Variants in EMCN observed in about 807,000 individuals in gnomAD.
EMCN encodes the protein endomucin, also known as MUC-14.
In EMCN, 37 loss-of-function variants were observed where a neutral mutation model predicts 38.4. The ratio of observed to expected loss-of-function variants is 0.96; its 90% confidence interval spans 0.74 to 1.27. The LOEUF (loss-of-function observed/expected upper bound fraction) is 1.27, where lower values mean the gene tolerates loss of function less well. Ranked by LOEUF, EMCN falls within the 50% of genes most tolerant of loss-of-function variation. The probability of loss-of-function intolerance (pLI) is 0.00; values close to 1 mark genes in which losing one functional copy is unlikely to be tolerated. For missense variants in EMCN, 318 were observed against 302.8 expected (o/e 1.05, Z -0.37); for synonymous variants, 95 against 100.8 (o/e 0.94, Z 0.35).
At chr4:100,474,456 A>G (rs1410435990) in intron 3 of EMCN, among the ~76,000 whole-genome samples, 5 of 152,226 alleles carry the variant, frequency 3.3e-5, no homozygotes, top group Non-Finnish European at 7.3e-5. Flanking sequence ...TTAAAATGTT[A>G]AACATAGAGT....
At chr4:100,457,576 A>G (rs1428658770) in intron 4 of EMCN, among the ~76,000 whole-genome samples, 4 of 152,154 alleles carry the variant, frequency 2.6e-5, no homozygotes, top group Non-Finnish European at 5.9e-5. Context: ...ATTGACCTTC[A>G]TTCTGTTAAT....
At chr4:100,447,659 GTA>G (rs1727715732) in intron 4 of EMCN, 88 bp from the exon 5 acceptor site, 2 of 775,338 alleles carry the variant, frequency 2.6e-6, no homozygotes, top group Admixed American at 4.9e-5. Context: ...TGGTAAATGA[GTA>G]TGAATTTTAG....
In EMCN at chr4:100,396,667, A is replaced by G. The variant is rs1175116237; in HGVS notation, c.*1746T>C. On this transcript the variant is annotated 3_prime_UTR_variant, in exon 12 of 12. Coordinates refer to ENST00000296420, the MANE Select transcript of EMCN (RefSeq NM_016242.4). ...AAGCGATTCACGTTCCTCAGGCTCCAGAGTAGCTGGGACTACAGGCGTGCG... is the reference window on the plus strand; with the variant it reads ...AAGCGATTCACGTTCCTCAGGCTCCGGAGTAGCTGGGACTACAGGCGTGCG... The G allele has an allele frequency of 6.7e-6, 1 of 148,972 alleles. No homozygotes were observed. The highest frequency in any genetic ancestry group is 1.5e-5 in the Non-Finnish European group (1 of 67,652). 9.2% of individuals were successfully genotyped at this position (148,972 alleles called of 1,614,324 possible).
intron 7 of EMCN, among the ~76,000 whole-genome samples, chr4:100,421,809 A>G (rs1002608584): frequency 1.3e-5 from 2 of 152,066 alleles, no homozygotes; most frequent in African/African-American, 2.4e-5. Flanking sequence ...AACACTCACA[A>G]ATTTCTTTCT....
chr4:100,517,422 G>A (rs1729786884), intron 1 of EMCN, among the ~76,000 whole-genome samples: 1 of 151,912 alleles, frequency 6.6e-6, no homozygotes, highest in Admixed American at 6.6e-5. Context: ...AAAATAGTTG[G>A]GAAAAATACA....
intron 4 of EMCN, among the ~76,000 whole-genome samples, chr4:100,462,269 T>G (rs1297835548): frequency 6.6e-6 from 1 of 152,200 alleles, no homozygotes. Flanking sequence ...ATGGCTTTGA[T>G]GTATTTTTTA....
chr4:100,517,534 G>T (rs1398989172), intron 1 of EMCN, among the ~76,000 whole-genome samples: 2 of 152,088 alleles, frequency 1.3e-5, no homozygotes, highest in South Asian at 4.1e-4. Flanking sequence ...ATTTTTGAGA[G>T]AGAGTACATT....
intron 8 of EMCN, among the ~76,000 whole-genome samples, chr4:100,420,483 A>G (rs767533): frequency 0.36 from 54,677 of 151,788 alleles, 10,234 homozygotes; most frequent in Middle Eastern, 0.49. Context: ...TTATACGACC[A>G]GGGCTGGGCT....
chr4:100,512,155 GA>G (rs1729642498), intron 1 of EMCN, among the ~76,000 whole-genome samples: 1 of 152,174 alleles, frequency 6.6e-6, no homozygotes. Flanking sequence ...AAGATGTAGG[GA>G]AAGACACAAC....
intron 10 of EMCN, 44 bp downstream of exon 10, chr4:100,415,854 T>G (rs371117912): frequency 1.1e-5 from 15 of 1,349,002 alleles, no homozygotes; most frequent in Non-Finnish European, 1.6e-5. Flanking sequence ...AGTTAGATTC[T>G]AAAATAACTA....
intron 3 of EMCN, 53 bp downstream of exon 3, chr4:100,474,985 G>C: frequency 1.0e-6 from 1 of 987,540 alleles, no homozygotes; most frequent in Non-Finnish European, 1.5e-6. Flanking sequence ...TGACTATTAT[G>C]TTATGTGAAT....
At chr4:100,447,622 C>T in intron 4 of EMCN, 51 bp from the exon 5 acceptor site, 1 of 1,157,082 alleles carries the variant, frequency 8.6e-7, no homozygotes, top group Non-Finnish European at 1.3e-6. Flanking sequence ...TGTTGAATAT[C>T]AGATCTATTC....
intron 1 of EMCN, among the ~76,000 whole-genome samples, chr4:100,515,879 G>T (rs112884175): frequency 6.6e-6 from 1 of 152,010 alleles, no homozygotes; most frequent in African/African-American, 2.4e-5. Flanking sequence ...GGCAGAACCA[G>T]GTACAACAAA....
intron 8 of EMCN, 89 bp downstream of exon 8, chr4:100,421,193 C>G: frequency 1.7e-6 from 2 of 1,152,032 alleles, no homozygotes; most frequent in Non-Finnish European, 2.6e-6. Context: ...CTTTCTATAA[C>G]TTTTCTCTCC....
chr4:100,475,302 TACACACAC>T (rs59162117), intron 2 of EMCN, among the ~76,000 whole-genome samples, 193 bp from the exon 3 acceptor site: 1 of 143,040 alleles, frequency 7.0e-6, no homozygotes, highest in East Asian at 2.1e-4. Context: ...TTGGGTGGCC[TACACACAC>T]ACACACACAC....
chr4:100,436,952 C>T (rs1159797410), intron 5 of EMCN, among the ~76,000 whole-genome samples: 1 of 152,084 alleles, frequency 6.6e-6, no homozygotes, highest in Admixed American at 6.6e-5. Context: ...ATGCTCTATG[C>T]AGCAAACCAT....
At chr4:100,459,193 CT>C (rs1258003153) in intron 4 of EMCN, among the ~76,000 whole-genome samples, 593 of 26,938 alleles carry the variant, frequency 0.022, 9 homozygotes, top group Admixed American at 0.05. Flanking sequence ...CTCTCTCTCT[CT>C]CTCTCTCTCT....
intron 4 of EMCN, among the ~76,000 whole-genome samples, chr4:100,465,060 G>GT (rs1363441154): frequency 2.0e-5 from 3 of 151,954 alleles, no homozygotes; most frequent in African/African-American, 2.4e-5. Context: ...ATCATTATAG[G>GT]TTTTTTCAGA....
chr4:100,431,025 A>G (rs1313655271), intron 5 of EMCN, among the ~76,000 whole-genome samples: 1 of 152,168 alleles, frequency 6.6e-6, no homozygotes, highest in Admixed American at 6.5e-5. Flanking sequence ...TTCACTTTAT[A>G]TAAGTTCCTA....
Sources: allele counts gnomAD v4.1 joint callset (sites outside exome capture counted in the v4.1 genomes callset), GRCh38; gene constraint gnomAD v4.1.1; transcripts MANE v1.5; gene names NCBI Gene and HGNC (gene_info 2026-07-23, HGNC 2026-07-21).